Variants in KCNMA1 observed in about 807,000 individuals in gnomAD.
The protein encoded by KCNMA1 is Calcium-activated potassium channel subunit alpha-1.
KCNMA1 carries 29 observed loss-of-function variants against 140.0 expected under a neutral mutation model. That is an observed-to-expected ratio of 0.21 (90% CI 0.15 to 0.28). The LOEUF is 0.28. Ranked by LOEUF, KCNMA1 falls within the 10% of genes least tolerant of loss-of-function variation. The probability of loss-of-function intolerance (pLI) is 1.00; values close to 1 mark genes in which losing one functional copy is unlikely to be tolerated. For synonymous variants in KCNMA1, 612 were observed against 611.9 expected, an observed-to-expected ratio of 1.00 and a Z score of 0.00; for missense variants, 880 against 1,602.2, an observed-to-expected ratio of 0.55 and a Z score of 7.70.
intron 1 of KCNMA1, chr10:77,586,283 G>A (rs1315437193): frequency 6.6e-6 from 1 of 152,162 alleles, no homozygotes; most frequent in East Asian, 1.9e-4. Flanking sequence ...TGGTTCTAGG[G>A]ATGATGAAGG....
chr10:77,566,927 G>C (rs748422944), intron 1 of KCNMA1, among the ~76,000 whole-genome samples: 1 of 152,104 alleles, frequency 6.6e-6, no homozygotes, highest in African/African-American at 2.4e-5. Context: ...GGAAAAGAGA[G>C]AGAGGGGAAG....
In KCNMA1 at chr10:77,391,644, GTTTT is replaced by G. The variant is rs750547902; in HGVS notation, c.540+12214_540+12217del. 9.2e-3 allele frequency among the ~76,000 whole-genome samples: 1,243 copies of G among 134,912 alleles called. 14 individuals are homozygous for G. Among genetic ancestry groups the G allele is most frequent in the African/African-American group, 0.032 (1,132 of 35,054 alleles). The allele number at this position is 134,912 out of a possible 152,430, so 88.5% of individuals were successfully genotyped here. A position where few individuals can be genotyped will look rare whatever the true frequency, so the allele number is the denominator to read the frequency against. ...TGTTTGTTTGTTTGTTTGTTTGTTT[GTTTT>G]TTTCTGGAAAAAGCCTCACTCTGGA... is the stretch of plus-strand genomic sequence containing the variant. On this transcript the variant is annotated intron_variant, in intron 2 of 27. Transcript: ENST00000286628.
At chr10:77,625,772 C>G (rs2092417102) in intron 1 of KCNMA1, among the ~76,000 whole-genome samples, 1 of 152,216 alleles carries the variant, frequency 6.6e-6, no homozygotes, top group African/African-American at 2.4e-5. Flanking sequence ...TGAATTGCTT[C>G]CACCTTTGGC....
Position 76,974,535 on chromosome 10 carries a change from A to G in KCNMA1, c.2267-4468T>C, listed in dbSNP as rs2076947030. On this transcript the variant is annotated intron_variant, in intron 19 of 27. Coordinates refer to ENST00000286628, the MANE Select transcript of KCNMA1 (RefSeq NM_001161352.2). ...TTGGGAGTCTCCTTCTTGAACTCAA[A>G]TGGATCTTTGGAATAGCGTGATCTA... The G allele has an allele frequency of 3.2e-6, 5 of 1,550,194 alleles. No individual in the cohort carries two copies. In the South Asian group the frequency reaches 4.8e-5, roughly 15 times the overall value.
intron 1 of KCNMA1, among the ~76,000 whole-genome samples, chr10:77,598,620 A>G (rs532845935): frequency 1.3e-5 from 2 of 152,356 alleles, no homozygotes; most frequent in African/African-American, 2.4e-5. Flanking sequence ...CACACATTAA[A>G]TAAAACAAAA....
At chr10:77,295,380 CCAT>C (rs939797622) in intron 2 of KCNMA1, among the ~76,000 whole-genome samples, 1 of 151,416 alleles carries the variant, frequency 6.6e-6, no homozygotes, top group African/African-American at 2.4e-5. Context: ...TGAAAGTGCA[CCAT>C]CATTTTTTAA....
At chr10:77,099,417 A>G (rs2097033012) in intron 9 of KCNMA1, among the ~76,000 whole-genome samples, 1 of 152,186 alleles carries the variant, frequency 6.6e-6, no homozygotes, top group Non-Finnish European at 1.5e-5. Context: ...ACATACTTGC[A>G]TAGGCCCCAG....
chr10:77,165,826 G>T (rs1217593814), intron 5 of KCNMA1, among the ~76,000 whole-genome samples: 3 of 152,184 alleles, frequency 2.0e-5, no homozygotes, highest in Admixed American at 1.3e-4. Context: ...AGTTAAAAAC[G>T]TAGGACCTTA....
chr10:77,555,057 T>TACACACACAC (rs111952376), intron 1 of KCNMA1, among the ~76,000 whole-genome samples: 6 of 151,522 alleles, frequency 4.0e-5, no homozygotes, highest in African/African-American at 1.5e-4. Context: ...TCTTACCACA[T>TACACACACAC]ACACACACGC....
intron 20 of KCNMA1, among the ~76,000 whole-genome samples, chr10:76,957,208 T>C (rs1382025652): frequency 6.6e-6 from 1 of 151,306 alleles, no homozygotes; most frequent in Non-Finnish European, 1.5e-5. Flanking sequence ...TGTTGCAGTG[T>C]TGATCCACTA....
intron 1 of KCNMA1, among the ~76,000 whole-genome samples, chr10:77,508,982 C>A (rs531754226): frequency 3.4e-4 from 51 of 152,228 alleles, no homozygotes; most frequent in Non-Finnish European, 6.8e-4. Flanking sequence ...TAGCATGTGG[C>A]AGGATTACCT....
chr10:77,604,161 C>T (rs1265290225), intron 1 of KCNMA1, among the ~76,000 whole-genome samples: 1 of 152,216 alleles, frequency 6.6e-6, no homozygotes, highest in East Asian at 1.9e-4. Flanking sequence ...CTAGGAGTTG[C>T]TCCTCTAGTC....
intron 23 of KCNMA1, among the ~76,000 whole-genome samples, chr10:76,943,481 G>T (rs1251539740): frequency 6.6e-6 from 1 of 152,172 alleles, no homozygotes; most frequent in Non-Finnish European, 1.5e-5. Flanking sequence ...CCTCAGAGAA[G>T]CCCCAGCCCC....
intron 14 of KCNMA1, among the ~76,000 whole-genome samples, chr10:77,045,605 A>G (rs763658846): frequency 6.6e-5 from 10 of 152,182 alleles, no homozygotes; most frequent in Admixed American, 1.3e-4. Flanking sequence ...GTACCTTCCA[A>G]CTGGAAACCT....
chr10:77,255,599 C>T (rs1357547217), intron 2 of KCNMA1, among the ~76,000 whole-genome samples: 1 of 142,544 alleles, frequency 7.0e-6, no homozygotes, highest in Admixed American at 7.0e-5. Flanking sequence ...GACTCTGTCT[C>T]CAAAAAAAGC....
downstream of KCNMA1, chr10:76,872,671 G>A (rs2031581090): frequency 6.6e-6 from 1 of 152,002 alleles, no homozygotes; most frequent in Non-Finnish European, 1.5e-5. Context: ...CCATCTCCCT[G>A]GAAAACCCTC....
intron 19 of KCNMA1, chr10:76,977,767 G>A: frequency 1.6e-6 from 1 of 633,642 alleles, no homozygotes; most frequent in Non-Finnish European, 2.8e-6. Flanking sequence ...CCTGCTATTA[G>A]CCCTGCTGGT....
intron 1 of KCNMA1, among the ~76,000 whole-genome samples, chr10:77,580,500 C>T (rs1471079436): frequency 2.0e-5 from 3 of 151,962 alleles, no homozygotes; most frequent in Non-Finnish European, 4.4e-5. Context: ...AAAAAATGAA[C>T]GCATCAAAAA....
At chr10:77,215,868 C>T (rs1598949566) in intron 3 of KCNMA1, among the ~76,000 whole-genome samples, 4 of 150,854 alleles carry the variant, frequency 2.7e-5, no homozygotes, top group East Asian at 1.9e-4. Flanking sequence ...CTTGCCCCTC[C>T]CCCCCACCTG....
Sources: gnomAD v4.1 joint callset for allele counts (sites outside exome capture counted in the v4.1 genomes callset) on GRCh38, gnomAD v4.1.1 for gene constraint, MANE v1.5 for transcripts, NCBI Gene and HGNC (gene_info 2026-07-23, HGNC 2026-07-21) for gene names.